The following AFMID variants were observed in gnomAD, a reference collection of about 807,000 sequenced individuals.
AFMID encodes the protein arylformamidase.
A neutral mutation model predicts 47.5 loss-of-function variants in AFMID; 39 were observed. That is an observed-to-expected ratio of 0.82 (90% CI 0.64 to 1.07). The LOEUF (loss-of-function observed/expected upper bound fraction) is 1.07. Ranked by LOEUF, AFMID falls within the 50% of genes least tolerant of loss-of-function variation. The pLI, the probability that AFMID is intolerant of heterozygous loss-of-function variation, is 0.00. For missense variants in AFMID, 375 were observed against 387.5 expected (o/e 0.97, Z 0.27); for synonymous variants, 130 against 153.2 (o/e 0.85, Z 1.12).
At chr17:78,197,245 T>C (rs760173983) in intron 2 of AFMID, 38 of 1,541,738 alleles carry the variant, frequency 2.5e-5, no homozygotes, top group Non-Finnish European at 3.2e-5. Flanking sequence ...GGGGCAGGGT[T>C]GTTGGCAAAC....
chr17:78,205,844 A>G (rs2076366469), intron 9 of AFMID, 102 bp from the exon 10 acceptor site: 2 of 1,594,492 alleles, frequency 1.3e-6, no homozygotes, highest in Non-Finnish European at 1.7e-6. Context: ...TTTATTTAAC[A>G]CGTACTGAGT....
intron 10 of AFMID, among the ~76,000 whole-genome samples, chr17:78,206,631 G>A (rs1475959363): frequency 3.5e-5 from 4 of 114,132 alleles, no homozygotes; most frequent in African/African-American, 3.9e-5. Flanking sequence ...GGTCGTCGTC[G>A]TCTTCCTTCT....
At chr17:78,197,430 G>A in intron 2 of AFMID, 1 of 485,828 alleles carries the variant, frequency 2.1e-6, no homozygotes. Context: ...AGACAGCCCA[G>A]ATGGCTTTCA....
chr17:78,198,787 C>T (rs1403946104), intron 2 of AFMID, among the ~76,000 whole-genome samples: 10 of 151,986 alleles, frequency 6.6e-5, no homozygotes, highest in Non-Finnish European at 1.0e-4. Context: ...CCAGCTTGGG[C>T]GACAGAGCGA....
At chr17:78,193,137 C>T (rs1354808041) in intron 2 of AFMID, among the ~76,000 whole-genome samples, 4 of 151,490 alleles carry the variant, frequency 2.6e-5, no homozygotes, top group Admixed American at 6.6e-5. Flanking sequence ...TTTGGGAGGC[C>T]GAGGCGGGCG....
rs768044029 is a variant in AFMID at position 78,205,993 on chromosome 17, T to C, written c.828T>C (p.Asp276=). The change falls in exon 10 of 11, where the codon GAT becomes GAC. Residue 276 remains aspartate (D), a synonymous_variant. Transcript: ENST00000409257. ...AAGCCTCATTTGAAGAGCTCCACGA[T>C]GTGGACCACTTTGAAATTGTTGAGA... The part of the protein sequence containing the change: ...EWKASFEELH[D]VDHFEIVENL... 1 of 1,614,050 alleles carries C rather than the reference T, an allele frequency of 6.2e-7. No homozygotes were observed. Among genetic ancestry groups the C allele is most frequent in the Non-Finnish European group, 8.5e-7 (1 of 1,180,004 alleles).
Position 78,204,812 on chromosome 17 carries a change from C to T in AFMID, c.395-16C>T, listed in dbSNP as rs762611644. On this transcript the variant is annotated splice_polypyrimidine_tract_variant and intron_variant, in intron 5 of 10. Transcript: ENST00000409257. ...GAGGAAGTGCATCCCTGACCCAGCT[C>T]ATGCTCTCTGTGCAGGCACCCTGGA... 7 of 1,614,110 alleles carry T rather than the reference C, an allele frequency of 4.3e-6. No individual in the cohort carries two copies. Among genetic ancestry groups the T allele is most frequent in the South Asian group, 1.1e-5 (1 of 91,086 alleles).
At chr17:78,199,624 C>T (rs968740617) in intron 2 of AFMID, among the ~76,000 whole-genome samples, 9 of 152,128 alleles carry the variant, frequency 5.9e-5, no homozygotes, top group South Asian at 2.1e-4. Flanking sequence ...CCACCCGCCT[C>T]GGCCTCCCAA....
intron 2 of AFMID, among the ~76,000 whole-genome samples, chr17:78,193,538 A>G (rs567323187): frequency 9.0e-4 from 137 of 151,698 alleles, no homozygotes; most frequent in African/African-American, 3.0e-3. Flanking sequence ...TTAAAAGGAA[A>G]GGATTAAAAA....
chr17:78,201,821 C>G (rs566763426), intron 2 of AFMID, among the ~76,000 whole-genome samples: 1 of 152,012 alleles, frequency 6.6e-6, no homozygotes, highest in East Asian at 2.0e-4. Flanking sequence ...AGCTCCACCT[C>G]CCGGATTCAC....
rs778288657 is a variant in AFMID at position 78,204,754 on chromosome 17, G to A, written c.394+13G>A. The A allele has an allele frequency of 6.2e-7, 1 of 1,614,226 alleles. No individual in the cohort carries two copies. Among genetic ancestry groups the A allele is most frequent in the South Asian group, 1.1e-5 (1 of 91,090 alleles). On this transcript the variant is annotated intron_variant, in intron 5 of 10. Coordinates refer to ENST00000409257, the MANE Select transcript of AFMID (RefSeq NM_001010982.5). ...ATCGCCCCCAAAGGTAATAGGAGTGGTTGCTGCAGGTCCGAGGGCCGGTGG... is the reference window on the plus strand; with the variant it reads ...ATCGCCCCCAAAGGTAATAGGAGTGATTGCTGCAGGTCCGAGGGCCGGTGG...
chr17:78,200,378 T>G (rs1242314987), intron 2 of AFMID, among the ~76,000 whole-genome samples: 2 of 152,130 alleles, frequency 1.3e-5, no homozygotes, highest in Non-Finnish European at 2.9e-5. Flanking sequence ...TGGTCTCAAC[T>G]CCTGACCTCA....
rs769868212 is a variant in AFMID at position 78,204,886 on chromosome 17, G to T, written c.453G>T (p.Arg151=). ...GCAGCGTTGCGTTTGTCCAGAAGCGGTATCCAAGCAACAAGTGGGTGTTGC... is the reference window on the plus strand; with the variant it reads ...GCAGCGTTGCGTTTGTCCAGAAGCGTTATCCAAGCAACAAGTGGGTGTTGC... ...VTRSVAFVQK[R]YPSNKGIYLC... Residue 151 remains arginine, a synonymous_variant, in exon 6 of 11, where the codon CGG becomes CGT. Transcript: ENST00000409257. 4.3e-6 allele frequency: 7 copies of T among 1,614,214 alleles called. No individual in the cohort carries two copies. In the East Asian group the frequency reaches 6.7e-5, roughly 15 times the overall value.
rs368914033 is a variant in AFMID, at chr17:78,204,768, G to A, written c.394+27G>A. ...TAATAGGAGTGGTTGCTGCAGGTCC[G>A]AGGGCCGGTGGGCTTTAGGAGGAAG... On this transcript the variant is annotated intron_variant, in intron 5 of 10. Coordinates refer to ENST00000409257, the MANE Select transcript of AFMID (RefSeq NM_001010982.5). 364 of 1,614,060 alleles carry A rather than the reference G, an allele frequency of 2.3e-4. 2 individuals carry two copies. The highest frequency in any genetic ancestry group is 2.9e-4 in the Non-Finnish European group (345 of 1,180,030).
At chr17:78,206,214 C>T (rs2076376395) in intron 10 of AFMID, among the ~76,000 whole-genome samples, 164 bp downstream of exon 10, 1 of 151,952 alleles carries the variant, frequency 6.6e-6, no homozygotes, top group African/African-American at 2.4e-5. Flanking sequence ...TGGTACGTGC[C>T]TGTAATCCCA....
At chr17:78,190,057 C>T (rs1452576122) in intron 1 of AFMID, among the ~76,000 whole-genome samples, 1 of 149,356 alleles carries the variant, frequency 6.7e-6, no homozygotes, top group Non-Finnish European at 1.5e-5. Context: ...ATCTTGAACT[C>T]CTGACCTCGT....
At chr17:78,200,384 C>T (rs900239032) in intron 2 of AFMID, among the ~76,000 whole-genome samples, 3 of 152,134 alleles carry the variant, frequency 2.0e-5, no homozygotes, top group African/African-American at 4.8e-5. Flanking sequence ...CAACTCCTGA[C>T]CTCAAGTGAT....
At chr17:78,189,219 C>CTTTTTTTTTT (rs770863206) in intron 1 of AFMID, among the ~76,000 whole-genome samples, 7 of 122,748 alleles carry the variant, frequency 5.7e-5, no homozygotes, top group East Asian at 4.8e-4. Flanking sequence ...TTCCTTGTTA[C>CTTTTTTTTTT]TTTTTTTTTT....
chr17:78,207,095 G>T lies in AFMID; in HGVS notation c.*158G>T. On this transcript the variant is annotated 3_prime_UTR_variant, in exon 11 of 11. Coordinates refer to ENST00000409257, the MANE Select transcript of AFMID (RefSeq NM_001010982.5). ...GGCAAGAGTCCATTCTCACTGCTGG[G>T]ACACTCATGAAAATCTCCACGTCCT... The T allele has an allele frequency of 1.3e-6, 1 of 775,462 alleles. No homozygotes were observed. Among genetic ancestry groups the T allele is most frequent in the South Asian group, 1.5e-5 (1 of 67,032 alleles). 48.0% of individuals were successfully genotyped at this position (775,462 alleles called of 1,614,324 possible).
Sources: gnomAD v4.1 joint callset for allele counts (sites outside exome capture counted in the v4.1 genomes callset) on GRCh38, gnomAD v4.1.1 for gene constraint, MANE v1.5 for transcripts, NCBI Gene and HGNC (gene_info 2026-07-23, HGNC 2026-07-21) for gene names.